The following LMO7 variants were observed in gnomAD, a reference collection of about 807,000 sequenced individuals.
LMO7 encodes LIM domain only protein 7.
In LMO7, 120 loss-of-function variants were observed where a neutral mutation model predicts 206.5. That is an observed-to-expected ratio of 0.58 (90% CI 0.50 to 0.68). LMO7 has a LOEUF of 0.68. Among genes scored for constraint, LMO7 ranks in the 30% least tolerant of loss-of-function variants. The pLI, the probability that LMO7 is intolerant of heterozygous loss-of-function variation, is 0.00. For synonymous variants in LMO7, 706 were observed against 681.5 expected (o/e 1.04, Z -0.56); for missense variants, 1,959 against 1,957.9 (o/e 1.00, Z -0.01).
chr13:75,804,562 A>G (rs2055187918), intron 8 of LMO7, 21 bp downstream of exon 8: 3 of 1,604,094 alleles, frequency 1.9e-6, no homozygotes, highest in East Asian at 4.5e-5. Context: ...GGGTGTGATT[A>G]TTGAGTTTCG....
intron 3 of LMO7, among the ~76,000 whole-genome samples, chr13:75,757,013 A>G (rs910709596): frequency 2.0e-5 from 3 of 152,166 alleles, no homozygotes; most frequent in Non-Finnish European, 2.9e-5. Flanking sequence ...TTGTACCTAC[A>G]TGGAATAGGG....
At chr13:75,779,693 C>T (rs1168637782) in intron 4 of LMO7, among the ~76,000 whole-genome samples, 1 of 152,092 alleles carries the variant, frequency 6.6e-6, no homozygotes, top group Non-Finnish European at 1.5e-5. Flanking sequence ...TCAAGGATAG[C>T]TATGTAAATG....
chr13:75,760,639 A>C lies in LMO7; in HGVS notation c.211-293A>C, dbSNP rs1439885513. 9 of 1,469,148 alleles carry C rather than the reference A, an allele frequency of 6.1e-6. No individual in the cohort carries two copies. In the South Asian group the frequency reaches 1.3e-4, roughly 21 times the overall value. 91.0% of individuals were successfully genotyped at this position (1,469,148 alleles called of 1,614,324 possible). A position where few individuals can be genotyped will look rare whatever the true frequency, so the allele number is the denominator to read the frequency against. On this transcript the variant is annotated intron_variant, in intron 3 of 30. Transcript: ENST00000377534. ...GACATCAAAGTGTAGATTACTGCTC[A>C]GTGGCTAGGCACTTGTCCTGTAACA...
At chr13:75,643,223 C>T (rs1461864109) in intron 1 of LMO7, among the ~76,000 whole-genome samples, 1 of 152,236 alleles carries the variant, frequency 6.6e-6, no homozygotes, top group African/African-American at 2.4e-5. Context: ...AGACTAAACA[C>T]TCCTTCACCT....
intron 1 of LMO7, among the ~76,000 whole-genome samples, chr13:75,649,519 A>G (rs1466141358): frequency 4.6e-5 from 7 of 152,224 alleles, no homozygotes; most frequent in African/African-American, 1.2e-4. Flanking sequence ...AGAGTAATCT[A>G]TCACGTGTTG....
intron 4 of LMO7, among the ~76,000 whole-genome samples, chr13:75,772,909 A>G (rs2049940908): frequency 6.6e-6 from 1 of 152,070 alleles, no homozygotes; most frequent in Admixed American, 6.6e-5. Context: ...GGTCTGGGGC[A>G]GGGCTGGGAT....
intron 1 of LMO7, among the ~76,000 whole-genome samples, chr13:75,707,058 G>T (rs990987102): frequency 9.2e-5 from 14 of 151,738 alleles, no homozygotes; most frequent in African/African-American, 3.1e-4. Context: ...TCTATTCTTT[G>T]TTCCTTTAGG....
intron 11 of LMO7, among the ~76,000 whole-genome samples, chr13:75,810,405 A>G (rs567695498): frequency 6.6e-6 from 1 of 152,352 alleles, no homozygotes; most frequent in East Asian, 1.9e-4. Context: ...GTAAAGCAGT[A>G]TAACCATTCT....
chr13:75,708,566 T>A (rs2042826714), intron 1 of LMO7, among the ~76,000 whole-genome samples: 1 of 152,184 alleles, frequency 6.6e-6, no homozygotes, highest in South Asian at 2.1e-4. Flanking sequence ...TATTTCATGC[T>A]TTTTGGCTAT....
At position 75,840,510 on chromosome 13, in the gene LMO7, C is replaced by A; in HGVS notation, c.3582+15C>A. On this transcript the variant is annotated intron_variant, in intron 22 of 30. Coordinates refer to ENST00000377534, the MANE Select transcript of LMO7 (RefSeq NM_001306080.2). The stretch of plus-strand genomic sequence containing the variant: ...GCCTACTGCAGGTAGCTCTGGCTCA[C>A]GTGGACGGGTAGAAACTAGGTTGGA... The A allele has an allele frequency of 6.2e-7, 1 of 1,612,576 alleles. No homozygotes were observed. The highest frequency in any genetic ancestry group is 1.1e-5 in the South Asian group (1 of 90,740).
At position 75,853,631 on chromosome 13, in the gene LMO7, A is replaced by G. The variant is rs145700180; in HGVS notation, c.4661+243A>G. On this transcript the variant is annotated intron_variant, in intron 28 of 30. Transcript: ENST00000377534. ...ACTTTGAAGGTGTCTACTTGTTGCC[A>G]TCGTCTCATTTGCCTGTGTTTGTGG... 9.2e-5 allele frequency among the ~76,000 whole-genome samples: 14 copies of G among 152,342 alleles called. No individual in the cohort carries two copies. In the East Asian group the frequency reaches 2.7e-3, roughly 29 times the overall value.
intron 5 of LMO7, among the ~76,000 whole-genome samples, chr13:75,795,737 A>G (rs1364427254): frequency 1.3e-5 from 2 of 152,114 alleles, no homozygotes; most frequent in Admixed American, 1.3e-4. Flanking sequence ...TGTTTCTTTT[A>G]ATGGCTGCAT....
At position 75,636,698 on chromosome 13, in the gene LMO7, C is replaced by A. The variant is rs1431775195; in HGVS notation, c.41C>A (p.Ala14Glu). 6.2e-7 allele frequency: 1 copy of A among 1,609,708 alleles called. No homozygotes were observed. Among genetic ancestry groups the A allele is most frequent in the Non-Finnish European group, 8.5e-7 (1 of 1,178,734 alleles). The change falls in exon 1 of 31, where the codon GCG becomes GAG. Residue 14 changes from alanine (A) to glutamate (E), a missense_variant. Transcript: ENST00000377534. The stretch of plus-strand genomic sequence containing the variant: ...GAGGCAGAGGCCAACTGCTCCGTGG[C>A]GTTCGCTGAGGCTCAGAGATGGGTG... ...LEEAEANCSV[A>E]FAEAQRWVEA...
At chr13:75,823,132 C>CT (rs2057769262) in intron 14 of LMO7, among the ~76,000 whole-genome samples, 1 of 152,072 alleles carries the variant, frequency 6.6e-6, no homozygotes, top group South Asian at 2.1e-4. Flanking sequence ...CTCCCCAGAT[C>CT]TTACATGGTA....
intron 15 of LMO7, among the ~76,000 whole-genome samples, chr13:75,824,662 A>C (rs542448413): frequency 4.6e-5 from 7 of 152,270 alleles, no homozygotes; most frequent in African/African-American, 1.7e-4. Flanking sequence ...CTTTCTAAGC[A>C]TTTTGATAGT....
At chr13:75,776,895 A>T (rs2050582998) in intron 4 of LMO7, among the ~76,000 whole-genome samples, 1 of 152,238 alleles carries the variant, frequency 6.6e-6, no homozygotes. Flanking sequence ...AGAAATGTGC[A>T]CTTTTAAGAA....
chr13:75,752,720 A>C (rs1165589808), intron 3 of LMO7, among the ~76,000 whole-genome samples: 1 of 152,230 alleles, frequency 6.6e-6, no homozygotes, highest in Admixed American at 6.5e-5. Context: ...TTCGCTTAAG[A>C]TAATGGCCTC....
At chr13:75,751,046 G>A (rs143619727) in intron 3 of LMO7, among the ~76,000 whole-genome samples, 41 of 152,032 alleles carry the variant, frequency 2.7e-4, no homozygotes, top group African/African-American at 8.2e-4. Context: ...GAGGAGGCAG[G>A]GACTTTGCCA....
At chr13:75,721,371 G>A (rs1402785778) in intron 2 of LMO7, among the ~76,000 whole-genome samples, 1 of 152,080 alleles carries the variant, frequency 6.6e-6, no homozygotes. Context: ...TTTTTGCTAA[G>A]TGCTAGGCGA....
Sources: allele counts gnomAD v4.1 joint callset (sites outside exome capture counted in the v4.1 genomes callset), GRCh38; gene constraint gnomAD v4.1.1; transcripts MANE v1.5; gene names NCBI Gene and HGNC (gene_info 2026-07-23, HGNC 2026-07-21).